The following SPTA1 variants were observed in gnomAD, a reference collection of about 807,000 sequenced individuals.
SPTA1 encodes spectrin alpha chain, erythrocytic 1.
A neutral mutation model predicts 324.7 loss-of-function variants in SPTA1; 177 were observed. The ratio of observed to expected loss-of-function variants is 0.55; its 90% confidence interval spans 0.48 to 0.62. The LOEUF is 0.62. SPTA1 is among the 20% of genes least tolerant of loss of function. The pLI, the probability that SPTA1 is intolerant of heterozygous loss-of-function variation, is 0.00. For synonymous variants in SPTA1, 1,195 were observed against 1,041.3 expected (o/e 1.15, Z -2.84); for missense variants, 3,162 against 2,883.6 (o/e 1.10, Z -2.21).
intron 36 of SPTA1, 25 bp from the exon 37 acceptor site, chr1:158,636,786 A>C (rs755684480): frequency 1.2e-6 from 2 of 1,613,604 alleles, no homozygotes; most frequent in Non-Finnish European, 1.7e-6. Flanking sequence ...GAAAACAGAA[A>C]GTTTGGAGTC....
rs747990646 is a variant in SPTA1 at position 158,620,486 on chromosome 1, A to T, written c.6121-20T>A. 8 of 1,612,230 alleles carry T rather than the reference A, an allele frequency of 5.0e-6. No homozygotes were observed. The South Asian group carries it at 8.8e-5, about 18-fold the overall frequency. Reference sequence around the variant, plus strand: ...CTCAGCCTGCAGAGAGAAAAAAAAGACACTACCATCTTTCCTGATAAAGCC... The same window carrying T: ...CTCAGCCTGCAGAGAGAAAAAAAAGTCACTACCATCTTTCCTGATAAAGCC... On this transcript the variant is annotated intron_variant, in intron 43 of 51. Transcript: ENST00000643759.
At chr1:158,678,358 A>C (rs924158754) in intron 6 of SPTA1, 43 bp downstream of exon 6, 56 of 1,612,508 alleles carry the variant, frequency 3.5e-5, no homozygotes, top group Non-Finnish European at 4.5e-5. Flanking sequence ...GGTTTTTATA[A>C]AGCACTTCAA....
At chr1:158,621,471 A>G (rs942752698) in intron 43 of SPTA1, among the ~76,000 whole-genome samples, 9 of 152,336 alleles carry the variant, frequency 5.9e-5, no homozygotes, top group Non-Finnish European at 1.3e-4. Context: ...CTACACAGAA[A>G]GGACACAGAA....
chr1:158,660,944 C>T (rs1163811865), intron 18 of SPTA1, among the ~76,000 whole-genome samples: 1 of 152,092 alleles, frequency 6.6e-6, no homozygotes, highest in Non-Finnish European at 1.5e-5. Flanking sequence ...TCTGGAAGCT[C>T]CCATATGGAA....
intron 29 of SPTA1, 112 bp from the exon 30 acceptor site, chr1:158,644,508 A>G (rs1287800371): frequency 3.2e-6 from 4 of 1,251,538 alleles, no homozygotes; most frequent in African/African-American, 1.5e-5. Flanking sequence ...AGTACTTACC[A>G]TCTTCCAAGA....
At chr1:158,680,799 C>G in intron 4 of SPTA1, 70 bp from the exon 5 acceptor site, 1 of 1,593,186 alleles carries the variant, frequency 6.3e-7, no homozygotes, top group South Asian at 1.1e-5. Flanking sequence ...AAACTCAAAA[C>G]TCCTGCTTGC....
In SPTA1 at chr1:158,677,842, C is replaced by T. The variant is rs1299038251; in HGVS notation, c.813-8G>A. ...ATGGCTTCAGTCACATCCCTGCAGT[C>T]ATTAACAAGAGCTCCAACCAAAGAA... is the stretch of plus-strand genomic sequence containing the variant. On this transcript the variant is annotated splice_region_variant and splice_polypyrimidine_tract_variant and intron_variant, in intron 6 of 51. Coordinates refer to ENST00000643759, the MANE Select transcript of SPTA1 (RefSeq NM_003126.4). 1 of 1,613,292 alleles carries T rather than the reference C, an allele frequency of 6.2e-7. No individual in the cohort carries two copies. Among genetic ancestry groups the T allele is most frequent in the African/African-American group, 1.3e-5 (1 of 74,840 alleles).
intron 43 of SPTA1, 167 bp downstream of exon 43, chr1:158,622,816 C>T (rs992263331): frequency 3.2e-5 from 22 of 685,590 alleles, no homozygotes; most frequent in Non-Finnish European, 3.7e-5. Flanking sequence ...ATTTTTAAAG[C>T]TTCTTTTCAA....
chr1:158,639,560 G>A, intron 35 of SPTA1, 22 bp downstream of exon 35: 1 of 1,608,734 alleles, frequency 6.2e-7, no homozygotes, highest in East Asian at 2.2e-5. Context: ...GCCCAGAGGA[G>A]AGGGATGCCA....
intron 27 of SPTA1, among the ~76,000 whole-genome samples, chr1:158,646,257 G>A (rs1400321951): frequency 6.6e-6 from 1 of 152,056 alleles, no homozygotes; most frequent in African/African-American, 2.4e-5. Flanking sequence ...TAACTTTAAA[G>A]CATATATGGT....
Position 158,666,343 on chromosome 1 carries a change from G to A in SPTA1, c.2193C>T (p.Leu731=). 6.2e-7 allele frequency: 1 copy of A among 1,613,852 alleles called. No individual in the cohort carries two copies. Among genetic ancestry groups the A allele is most frequent in the Non-Finnish European group, 8.5e-7 (1 of 1,179,976 alleles). ...EVQNRLRKHG[L]LESAVAARQD... ...GACGAGCAGCCACAGCCGACTCCAG[G>A]AGGCCGTGTTTCCTGAGTCGATTCT... Residue 731 remains leucine, a synonymous_variant, in exon 16 of 52, where the codon CTC becomes CTT. Coordinates refer to ENST00000643759, the MANE Select transcript of SPTA1 (RefSeq NM_003126.4).
At chr1:158,640,163 G>T (rs1342203512) in intron 33 of SPTA1, among the ~76,000 whole-genome samples, 156 bp from the exon 34 acceptor site, 1 of 152,116 alleles carries the variant, frequency 6.6e-6, no homozygotes, top group Non-Finnish European at 1.5e-5. Flanking sequence ...TACTTAATCT[G>T]GGAAAACAAT....
rs200716254 is a variant in SPTA1 at position 158,681,648 on chromosome 1, C to A, written c.410G>T (p.Arg137Leu). ...CTCTAACAGCAGGTCCCACAGGTGG[C>A]GTAGCTCCTCTATATGGGCCTTTAG... ...EETKAHIEEL[R>L]HLWDLLLELT... Residue 137 changes from arginine to leucine, a missense_variant, in exon 4 of 52, where the codon CGC (arginine) becomes CTC (leucine). Arg to Leu is a moderately radical substitution (Grantham distance 102). Transcript: ENST00000643759. The A allele has an allele frequency of 2.5e-6, 4 of 1,613,536 alleles. No individual in the cohort carries two copies. The highest frequency in any genetic ancestry group is 3.4e-6 in the Non-Finnish European group (4 of 1,179,754).
chr1:158,654,769 G>A (rs1652706984), intron 20 of SPTA1, 21 bp from the exon 21 acceptor site: 2 of 1,612,462 alleles, frequency 1.2e-6, no homozygotes, highest in Middle Eastern at 1.7e-4. Context: ...ACAGGAAGCA[G>A]GTGTCAGTCA....
At chr1:158,684,471 G>A (rs1210135159) in intron 2 of SPTA1, among the ~76,000 whole-genome samples, 1 of 152,046 alleles carries the variant, frequency 6.6e-6, no homozygotes, top group Non-Finnish European at 1.5e-5. Flanking sequence ...TGTTTTGCCT[G>A]TAGGTCAATT....
chr1:158,671,571 T>C, intron 11 of SPTA1, 118 bp from the exon 12 acceptor site: 1 of 769,356 alleles, frequency 1.3e-6, no homozygotes, highest in Non-Finnish European at 2.3e-6. Context: ...TTAGCACACA[T>C]TATGATAATG....
rs759075251 is a variant in SPTA1 at position 158,613,841 on chromosome 1, C to T, written c.6869G>A (p.Arg2290His). The T allele has an allele frequency of 1.6e-5, 26 of 1,613,516 alleles. 1 individual carries two copies. In the South Asian group the frequency reaches 2.0e-4, roughly 12 times the overall value. Residue 2290 changes from arginine to histidine, a missense_variant, in exon 50 of 52, where the codon CGC becomes CAC. Arg to His is a conservative substitution (Grantham distance 29, BLOSUM62 0). Coordinates refer to ENST00000643759, the MANE Select transcript of SPTA1 (RefSeq NM_003126.4). ...YKHFDENLTG[R>H]LTHKEFRSCL... Reference sequence around the variant, plus strand: ...GGACCGGAACTCTTTGTGAGTCAGGCGCCCTGTCAAATTCTCATCAAAGTG... The same window carrying T: ...GGACCGGAACTCTTTGTGAGTCAGGTGCCCTGTCAAATTCTCATCAAAGTG...
chr1:158,624,948 T>C (rs1014125841), intron 42 of SPTA1, among the ~76,000 whole-genome samples: 1 of 152,208 alleles, frequency 6.6e-6, no homozygotes, highest in Non-Finnish European at 1.5e-5. Flanking sequence ...TTCAAAGAAA[T>C]TGAAATTTTG....
intron 27 of SPTA1, among the ~76,000 whole-genome samples, chr1:158,646,892 T>C (rs192051785): frequency 2.6e-5 from 4 of 152,320 alleles, no homozygotes; most frequent in Admixed American, 2.0e-4. Flanking sequence ...ACAAAGTATA[T>C]GTTTGAGAGG....
Sources: allele counts gnomAD v4.1 joint callset (sites outside exome capture counted in the v4.1 genomes callset), GRCh38; gene constraint gnomAD v4.1.1; transcripts MANE v1.5; gene names NCBI Gene and HGNC (gene_info 2026-07-23, HGNC 2026-07-21).